Variants in SHISA9 observed in about 807,000 individuals in gnomAD.
SHISA9 encodes the protein protein shisa-9.
A neutral mutation model predicts 38.0 loss-of-function variants in SHISA9; 13 were observed. The observed-to-expected ratio is 0.34, with a 90% CI of 0.22 to 0.54. SHISA9 has a LOEUF of 0.54. Among genes scored for constraint, SHISA9 ranks in the 20% least tolerant of loss-of-function variants. The pLI, the probability that SHISA9 is intolerant of heterozygous loss-of-function variation, is 0.91. For missense variants in SHISA9, 538 were observed against 575.8 expected, an observed-to-expected ratio of 0.93 and a Z score of 0.67; for synonymous variants, 275 against 242.0, an observed-to-expected ratio of 1.14 and a Z score of -1.27.
the SHISA9 span, among the ~76,000 whole-genome samples, chr16:13,309,270 T>TC: frequency 1.1e-3 from 170 of 152,254 alleles, no homozygotes; most frequent in African/African-American, 3.9e-3. Flanking sequence ...GATGAGTTGA[T>TC]CTGTGCAGCA....
At chr16:13,548,044 A>G in the SHISA9 span, among the ~76,000 whole-genome samples, 17 of 152,280 alleles carry the variant, frequency 1.1e-4, no homozygotes, top group Middle Eastern at 3.4e-3. Context: ...GAGAATAGAG[A>G]ACAAAGAAAT....
chr16:13,353,457 A>G, the SHISA9 span, among the ~76,000 whole-genome samples: 1 of 152,078 alleles, frequency 6.6e-6, no homozygotes, highest in African/African-American at 2.4e-5. Context: ...GCACCAGGAG[A>G]TATCAGCTGT....
rs149471824 is a variant in SHISA9, at chr16:13,236,854, C to T, written c.*1445C>T. On this transcript the variant is annotated 3_prime_UTR_variant, in exon 5 of 5. Coordinates refer to ENST00000558583, the MANE Select transcript of SHISA9 (RefSeq NM_001145204.3). The stretch of plus-strand genomic sequence containing the variant: ...AATTCCCATGGTCCCTCCAAATTAC[C>T]TCCCCACATACTTCATGTGTTCATC... 1 of 152,172 alleles carries T rather than the reference C, an allele frequency of 6.6e-6. No homozygotes were observed. The highest frequency in any genetic ancestry group is 1.5e-5 in the Non-Finnish European group (1 of 68,050). 9.4% of individuals were successfully genotyped at this position (152,172 alleles called of 1,614,324 possible).
chr16:12,944,983 G>A (rs1263396713), intron 2 of SHISA9, among the ~76,000 whole-genome samples: 1 of 152,162 alleles, frequency 6.6e-6, no homozygotes, highest in Admixed American at 6.5e-5. Flanking sequence ...GAACTCTGGG[G>A]GAGCAAGAAG....
chr16:12,906,846 A>T (rs1024119252), intron 1 of SHISA9, among the ~76,000 whole-genome samples: 2 of 152,124 alleles, frequency 1.3e-5, no homozygotes, highest in Non-Finnish European at 2.9e-5. Context: ...GTCTCTGCCC[A>T]CTGATGCTGG....
At chr16:13,316,026 AGAG>A in the SHISA9 span, among the ~76,000 whole-genome samples, 2 of 149,194 alleles carry the variant, frequency 1.3e-5, no homozygotes, top group Non-Finnish European at 3.0e-5. Context: ...AAAAAAAAAA[AGAG>A]AGAGAGCTTC....
intron 2 of SHISA9, among the ~76,000 whole-genome samples, chr16:13,002,021 T>C (rs1265955358): frequency 6.6e-6 from 1 of 152,204 alleles, no homozygotes; most frequent in Non-Finnish European, 1.5e-5. Flanking sequence ...AATAAATACC[T>C]ATGCCCAGAA....
intron 2 of SHISA9, among the ~76,000 whole-genome samples, chr16:13,140,256 A>T (rs1399137334): frequency 6.7e-6 from 1 of 149,682 alleles, no homozygotes; most frequent in Non-Finnish European, 1.5e-5. Flanking sequence ...TGTTCACTGT[A>T]ACCTCCACCT....
chr16:13,540,954 G>A, the SHISA9 span, among the ~76,000 whole-genome samples: 6 of 152,196 alleles, frequency 3.9e-5, no homozygotes, highest in African/African-American at 1.4e-4. Context: ...AAGGAGGACA[G>A]TAGCCCTGAA....
At chr16:13,496,285 A>T in the SHISA9 span, among the ~76,000 whole-genome samples, 1 of 152,136 alleles carries the variant, frequency 6.6e-6, no homozygotes, top group Non-Finnish European at 1.5e-5. Context: ...TGACCTAAGC[A>T]TCTCTACCAA....
chr16:13,118,113 C>T (rs192258448), intron 2 of SHISA9, among the ~76,000 whole-genome samples: 119 of 145,188 alleles, frequency 8.2e-4, no homozygotes, highest in Admixed American at 2.6e-3. Flanking sequence ...ACCTGGGAGG[C>T]GGAGGTTGCA....
the SHISA9 span, among the ~76,000 whole-genome samples, chr16:13,399,496 T>C: frequency 1.3e-5 from 2 of 152,206 alleles, no homozygotes; most frequent in African/African-American, 2.4e-5. Context: ...GTTATTTTTG[T>C]GAGTCCCCAG....
Position 12,991,558 on chromosome 16 carries a change from C to T in SHISA9, c.691+74743C>T, listed in dbSNP as rs1044494190. 1.2e-4 allele frequency among the ~76,000 whole-genome samples: 18 copies of T among 152,192 alleles called. 2 individuals carry two copies. The highest frequency in any genetic ancestry group is 1.1e-3 in the Admixed American group (17 of 15,282). On this transcript the variant is annotated intron_variant, in intron 2 of 4. Transcript: ENST00000558583. ...GAGAACTAAGAAGTTCAAGCATGTT[C>T]TTGAACTGACAAGGCCCTAGTCTCA...
At chr16:13,512,823 T>A in the SHISA9 span, among the ~76,000 whole-genome samples, 1 of 151,984 alleles carries the variant, frequency 6.6e-6, no homozygotes, top group Admixed American at 6.5e-5. Context: ...AAATTGAAAC[T>A]GGACCCCATC....
the SHISA9 span, among the ~76,000 whole-genome samples, chr16:13,278,707 G>C: frequency 6.6e-6 from 1 of 151,988 alleles, no homozygotes; most frequent in Non-Finnish European, 1.5e-5. Flanking sequence ...GCACATAAAG[G>C]TGTTCATAGT....
At chr16:13,088,154 G>T (rs953018147) in intron 2 of SHISA9, among the ~76,000 whole-genome samples, 4 of 152,122 alleles carry the variant, frequency 2.6e-5, no homozygotes, top group African/African-American at 7.2e-5. Context: ...TTATTTCTGA[G>T]GCCTCTGTTC....
At chr16:12,912,439 T>C (rs1226170072) in intron 1 of SHISA9, among the ~76,000 whole-genome samples, 2 of 152,102 alleles carry the variant, frequency 1.3e-5, no homozygotes, top group African/African-American at 2.4e-5. Context: ...GTTCGGAGTT[T>C]TGGGGCGCGG....
chr16:13,382,544 A>G, the SHISA9 span, among the ~76,000 whole-genome samples: 1 of 150,948 alleles, frequency 6.6e-6, no homozygotes, highest in African/African-American at 2.4e-5. Context: ...AAAAAAAAAA[A>G]AAAAAGAAAG....
the SHISA9 span, among the ~76,000 whole-genome samples, chr16:13,417,486 A>T: frequency 1.5e-4 from 23 of 152,270 alleles, no homozygotes; most frequent in African/African-American, 5.3e-4. Context: ...GGAACCAGAT[A>T]TTTGCTCAGT....
Sources: gnomAD v4.1 joint callset for allele counts (sites outside exome capture counted in the v4.1 genomes callset) on GRCh38, gnomAD v4.1.1 for gene constraint, MANE v1.5 for transcripts, NCBI Gene and HGNC (gene_info 2026-07-23, HGNC 2026-07-21) for gene names.